The following DPP10 variants were observed in gnomAD, a reference collection of about 807,000 sequenced individuals.
The protein encoded by DPP10 is dipeptidyl peptidase like 10, also known as inactive dipeptidyl peptidase 10.
Under a neutral mutation model 120.9 loss-of-function variants are expected in DPP10, and 33 were observed. The observed-to-expected ratio is 0.27, with a 90% CI of 0.21 to 0.37. The LOEUF is 0.37. DPP10 is among the 10% of genes least tolerant of loss of function. DPP10 has a pLI of 1.00. For synonymous variants in DPP10, 337 were observed against 326.1 expected (o/e 1.03, Z -0.36); for missense variants, 816 against 942.8 (o/e 0.87, Z 1.76).
chr2:115,775,041 CA>C (rs2149838590), intron 13 of DPP10, among the ~76,000 whole-genome samples: 1 of 151,978 alleles, frequency 6.6e-6, no homozygotes, highest in South Asian at 2.1e-4. Context: ...TTCATAGTTT[CA>C]AGAAGAAATC....
At chr2:114,522,164 T>G (rs1685122466) in intron 1 of DPP10, among the ~76,000 whole-genome samples, 1 of 151,168 alleles carries the variant, frequency 6.6e-6, no homozygotes, top group Non-Finnish European at 1.5e-5. Flanking sequence ...TTTTGTATTT[T>G]TAGTAGAGAC....
At chr2:115,354,665 G>A (rs934462858) in intron 3 of DPP10, among the ~76,000 whole-genome samples, 7 of 151,194 alleles carry the variant, frequency 4.6e-5, no homozygotes, top group Non-Finnish European at 7.4e-5. Context: ...GTGGTTTACC[G>A]CACCTACTGA....
chr2:114,492,738 CA>C (rs754888698), intron 1 of DPP10, among the ~76,000 whole-genome samples: 1 of 152,186 alleles, frequency 6.6e-6, no homozygotes, highest in Non-Finnish European at 1.5e-5. Flanking sequence ...CAGTCAGCAG[CA>C]GCAGCAGCAA....
chr2:115,284,586 G>T (rs547563172), intron 1 of DPP10, among the ~76,000 whole-genome samples: 1 of 151,988 alleles, frequency 6.6e-6, no homozygotes, highest in South Asian at 2.1e-4. Context: ...GGCTCAGTGG[G>T]GTAGAAAAAA....
At chr2:114,834,154 C>T (rs754151027) in intron 1 of DPP10, 7 of 139,002 alleles carry the variant, frequency 5.0e-5, no homozygotes, top group African/African-American at 7.5e-5. Context: ...TATCTACGCA[C>T]CTATGTATAT....
chr2:115,130,854 G>A (rs1000333842), intron 1 of DPP10: 1 of 152,130 alleles, frequency 6.6e-6, no homozygotes, highest in African/African-American at 2.4e-5. Context: ...CAATTCCACT[G>A]TCTTAACAAC....
chr2:114,961,222 T>G (rs567651390), intron 1 of DPP10, among the ~76,000 whole-genome samples: 1 of 151,932 alleles, frequency 6.6e-6, no homozygotes, highest in Admixed American at 6.5e-5. Flanking sequence ...GCTCAGCTAA[T>G]TTTGTATTTT....
chr2:115,573,699 G>A (rs1000477868), intron 5 of DPP10, among the ~76,000 whole-genome samples: 1 of 150,326 alleles, frequency 6.7e-6, no homozygotes, highest in African/African-American at 2.4e-5. Flanking sequence ...GCAATTAGAG[G>A]TGTGTGCCAC....
At chr2:115,093,435 T>C (rs2104572387) in intron 1 of DPP10, among the ~76,000 whole-genome samples, 1 of 152,228 alleles carries the variant, frequency 6.6e-6, no homozygotes, top group African/African-American at 2.4e-5. Flanking sequence ...ATATAAATAA[T>C]AACTAAAATT....
chr2:114,833,263 C>G (rs567658445), intron 1 of DPP10: 1 of 141,766 alleles, frequency 7.1e-6, no homozygotes, highest in African/African-American at 2.6e-5. Context: ...GATTATACAG[C>G]CAATATGAGT....
At chr2:114,743,440 C>T (rs1214919330) in intron 1 of DPP10, among the ~76,000 whole-genome samples, 3 of 150,048 alleles carry the variant, frequency 2.0e-5, no homozygotes, top group Non-Finnish European at 3.0e-5. Context: ...AAAAGTAGCT[C>T]GTAAAGTTAA....
rs374847617 is a variant in DPP10 at position 115,762,595 on chromosome 2, G to A, written c.1098G>A (p.Thr366=). ...AGAAATATGAGATGACATCAGATAC[G>A]TGGCTCTCTCAGCAGGTACAGTATA... The part of the protein sequence containing the change: ...CSKKYEMTSD[T]WLSQQNEEPV... The change falls in exon 12 of 26, where the codon ACG becomes ACA. Residue 366 remains threonine, a synonymous_variant. Coordinates refer to ENST00000410059, the MANE Select transcript of DPP10 (RefSeq NM_020868.6). 46 of 1,613,344 alleles carry A rather than the reference G, an allele frequency of 2.9e-5. No homozygotes were observed. The highest frequency in any genetic ancestry group is 2.7e-4 in the African/African-American group (20 of 74,908).
intron 1 of DPP10, among the ~76,000 whole-genome samples, chr2:114,579,419 A>G (rs1690314188): frequency 6.6e-6 from 1 of 152,174 alleles, no homozygotes; most frequent in Non-Finnish European, 1.5e-5. Flanking sequence ...GAAAGCCTTA[A>G]AGTGTGTCTC....
intron 4 of DPP10, among the ~76,000 whole-genome samples, chr2:115,519,266 T>A (rs891432851): frequency 6.6e-6 from 1 of 152,182 alleles, no homozygotes; most frequent in Non-Finnish European, 1.5e-5. Flanking sequence ...CTGTTTACAT[T>A]TATTGAGCAA....
At chr2:114,462,336 TTA>T (rs1214073011) in intron 1 of DPP10, among the ~76,000 whole-genome samples, 28 of 152,186 alleles carry the variant, frequency 1.8e-4, no homozygotes, top group Admixed American at 1.8e-3. Context: ...TTATTTAACT[TTA>T]TTACTTTTCC....
chr2:115,571,694 T>C (rs1299780506), intron 5 of DPP10, among the ~76,000 whole-genome samples: 2 of 56,496 alleles, frequency 3.5e-5, no homozygotes, highest in Admixed American at 2.4e-4. Context: ...TTGTTGTTCC[T>C]TTTTTTTTTT....
chr2:114,512,630 C>T (rs1820924), intron 1 of DPP10, among the ~76,000 whole-genome samples: 39,401 of 152,146 alleles, frequency 0.26, 5,829 homozygotes, highest in African/African-American at 0.4. Context: ...CACAATGCTA[C>T]GGATGCAAAC....
rs565702998 is a variant in DPP10, at chr2:115,802,525, G to A, written c.1700+11169G>A. Among the ~76,000 whole-genome samples, 4 of 152,052 alleles carry A rather than the reference G, an allele frequency of 2.6e-5. No homozygotes were observed. In the South Asian group the frequency reaches 6.2e-4, roughly 24 times the overall value. On this transcript the variant is annotated intron_variant, in intron 19 of 25. Coordinates refer to ENST00000410059, the MANE Select transcript of DPP10 (RefSeq NM_020868.6). ...CTAGTTCTTTTAATTGTGATGTTAG[G>A]GTGTCAATTTTAGATCTTTCCTGCT...
chr2:115,061,953 T>C (rs1706444044), intron 1 of DPP10, among the ~76,000 whole-genome samples: 1 of 152,108 alleles, frequency 6.6e-6, no homozygotes, highest in African/African-American at 2.4e-5. Flanking sequence ...TTGTTTTTTT[T>C]CCCTTGGCTA....
Sources: gnomAD v4.1 joint callset for allele counts (sites outside exome capture counted in the v4.1 genomes callset) on GRCh38, gnomAD v4.1.1 for gene constraint, MANE v1.5 for transcripts, NCBI Gene and HGNC (gene_info 2026-07-23, HGNC 2026-07-21) for gene names.